Variants in LOC400499 observed in about 807,000 individuals in gnomAD.
At chr16:11,439,678 C>A in the LOC400499 span, 3 of 397,348 alleles carry the variant, frequency 7.6e-6, no homozygotes, top group African/African-American at 6.2e-5. Context: ...CCAGAATATG[C>A]CCAAAGCTCA....
chr16:11,419,202 C>G, the LOC400499 span, among the ~76,000 whole-genome samples: 4 of 151,842 alleles, frequency 2.6e-5, 1 homozygote, highest in East Asian at 7.7e-4. Context: ...AAAAAATATA[C>G]TACAAGGCTA....
chr16:11,502,772 G>C, the LOC400499 span, among the ~76,000 whole-genome samples: 1 of 151,608 alleles, frequency 6.6e-6, no homozygotes, highest in African/African-American at 2.4e-5. Context: ...CTGTGACCAC[G>C]TCTGGCTTAT....
the LOC400499 span, among the ~76,000 whole-genome samples, chr16:11,497,215 A>G: frequency 1.4e-4 from 22 of 152,082 alleles, no homozygotes; most frequent in African/African-American, 4.3e-4. Flanking sequence ...GTTGTGTCCC[A>G]TGTGTGTACA....
At chr16:11,395,623 A>G in the LOC400499 span, among the ~76,000 whole-genome samples, 1 of 152,208 alleles carries the variant, frequency 6.6e-6, no homozygotes, top group Non-Finnish European at 1.5e-5. Flanking sequence ...CTCCCCTCTC[A>G]CAAGCACCTG....
the LOC400499 span, among the ~76,000 whole-genome samples, chr16:11,413,173 A>AG: frequency 6.6e-6 from 1 of 152,122 alleles, no homozygotes; most frequent in Non-Finnish European, 1.5e-5. Context: ...GGGACCTCAA[A>AG]GGACAGCTGC....
At chr16:11,454,170 C>T in the LOC400499 span, among the ~76,000 whole-genome samples, 1 of 152,222 alleles carries the variant, frequency 6.6e-6, no homozygotes, top group Non-Finnish European at 1.5e-5. Context: ...TAATTCAAAA[C>T]AATGGAGCAA....
the LOC400499 span, among the ~76,000 whole-genome samples, chr16:11,430,210 G>A: frequency 2.0e-5 from 3 of 152,170 alleles, no homozygotes; most frequent in Non-Finnish European, 4.4e-5. Context: ...ATATCTGCCA[G>A]GCGCGGTGGC....
At chr16:11,445,139 C>G in the LOC400499 span, among the ~76,000 whole-genome samples, 1 of 149,842 alleles carries the variant, frequency 6.7e-6, no homozygotes, top group Non-Finnish European at 1.5e-5. Context: ...AAAGCGAAAG[C>G]TATAGGGCAA....
chr16:11,396,535 T>C, the LOC400499 span: 1 of 1,232,192 alleles, frequency 8.1e-7, no homozygotes, highest in Non-Finnish European at 1.0e-6. Flanking sequence ...AGAAGTCAGC[T>C]GAACGAGGCC....
the LOC400499 span, among the ~76,000 whole-genome samples, chr16:11,434,832 G>A: frequency 1.3e-5 from 2 of 152,150 alleles, no homozygotes; most frequent in Admixed American, 1.3e-4. Context: ...GAACCCAAGT[G>A]GTCACCCCTG....
chr16:11,383,717 C>T, the LOC400499 span: 2 of 1,232,308 alleles, frequency 1.6e-6, no homozygotes, highest in East Asian at 3.2e-5. Flanking sequence ...AGGTTGCAGG[C>T]AGGCTGGAGC....
chr16:11,525,967 T>G, the LOC400499 span, among the ~76,000 whole-genome samples: 1 of 152,112 alleles, frequency 6.6e-6, no homozygotes, highest in African/African-American at 2.4e-5. Flanking sequence ...CTGAAATGAG[T>G]GTCATCTCTA....
At chr16:11,378,993 G>A in the LOC400499 span, among the ~76,000 whole-genome samples, 1 of 152,240 alleles carries the variant, frequency 6.6e-6, no homozygotes, top group Non-Finnish European at 1.5e-5. Context: ...GCCGGGTGCA[G>A]TGGCTCAGGC....
the LOC400499 span, among the ~76,000 whole-genome samples, chr16:11,492,173 G>C: frequency 2.6e-5 from 4 of 152,000 alleles, no homozygotes; most frequent in East Asian, 7.7e-4. Flanking sequence ...TAAATGTCTT[G>C]GCCTTCCTAG....
the LOC400499 span, among the ~76,000 whole-genome samples, chr16:11,405,685 G>T: frequency 6.6e-6 from 1 of 152,150 alleles, no homozygotes; most frequent in Admixed American, 6.5e-5. Flanking sequence ...CCCCCAGCTT[G>T]GTCCACGCAT....
chr16:11,400,984 G>A, the LOC400499 span, among the ~76,000 whole-genome samples: 2 of 152,162 alleles, frequency 1.3e-5, no homozygotes, highest in Admixed American at 1.3e-4. Context: ...AACTATAAAT[G>A]ATCAATCAGA....
chr16:11,477,710 G>T, the LOC400499 span: 1 of 396,018 alleles, frequency 2.5e-6, no homozygotes, highest in African/African-American at 2.1e-5. Context: ...CAGGTGTTCT[G>T]CAGAATAGGG....
chr16:11,452,722 G>T, the LOC400499 span, among the ~76,000 whole-genome samples: 1 of 152,250 alleles, frequency 6.6e-6, no homozygotes, highest in African/African-American at 2.4e-5. Flanking sequence ...GGCCTCATGG[G>T]TCATTCAGTA....
chr16:11,461,158 C>G, the LOC400499 span: 1 of 1,508,324 alleles, frequency 6.6e-7, no homozygotes, highest in Non-Finnish European at 8.9e-7. Flanking sequence ...AGGGTCAGCC[C>G]CCAGGGACCA....
Sources: gnomAD v4.1 joint callset for allele counts (sites outside exome capture counted in the v4.1 genomes callset) on GRCh38, gnomAD v4.1.1 for gene constraint, MANE v1.5 for transcripts.